Variants in C10orf53 observed in about 807,000 individuals in gnomAD.
The protein encoded by C10orf53 is chromosome 10 open reading frame 53.
Under a neutral mutation model 9.4 loss-of-function variants are expected in C10orf53, and 8 were observed. That is an observed-to-expected ratio of 0.85 (90% CI 0.50 to 1.53). C10orf53 has a LOEUF of 1.53. Among genes scored for constraint, C10orf53 ranks in the 40% most tolerant of loss-of-function variants. The pLI is 0.00. For synonymous variants in C10orf53, 48 were observed against 46.0 expected (o/e 1.04, Z -0.18); for missense variants, 117 against 117.8 (o/e 0.99, Z 0.03).
chr10:49,688,254 C>T (rs1348634545), intron 1 of C10orf53, among the ~76,000 whole-genome samples: 2 of 151,708 alleles, frequency 1.3e-5, no homozygotes, highest in African/African-American at 2.4e-5. Flanking sequence ...GCCAGACACC[C>T]TGCAGGCACC....
Position 49,694,550 on chromosome 10 carries a change from A to C in C10orf53, c.230A>C (p.Lys77Thr). 6.2e-7 allele frequency: 1 copy of C among 1,614,244 alleles called. No homozygotes were observed. The highest frequency in any genetic ancestry group is 1.1e-5 in the South Asian group (1 of 91,082). The change falls in exon 3 of 3, where the codon AAA (lysine) becomes ACA (threonine). Residue 77 changes from lysine (K) to threonine (T), a missense_variant. By Grantham distance (78) the Lys-to-Thr change is moderately conservative (BLOSUM62 -1). Transcript: ENST00000374111. ...TCTGTTTCCCTAGGAGGCGATGGTAAACTAGACCCACTGTGTGAAAAGGCC... is the reference window on the plus strand; with the variant it reads ...TCTGTTTCCCTAGGAGGCGATGGTACACTAGACCCACTGTGTGAAAAGGCC... ...IKDLEFGGDGKLDPLCEKARI... is the reference protein window; with the variant it reads ...IKDLEFGGDGTLDPLCEKARI...
At position 49,696,911 on chromosome 10, in the gene C10orf53, G is replaced by A. The variant is rs1293625334; in HGVS notation, c.*2309G>A. 1.3e-5 allele frequency among the ~76,000 whole-genome samples: 2 copies of A among 152,202 alleles called. No individual in the cohort carries two copies. Among genetic ancestry groups the A allele is most frequent in the African/African-American group, 4.8e-5 (2 of 41,444 alleles). On this transcript the variant is annotated 3_prime_UTR_variant, in exon 3 of 3. Coordinates refer to ENST00000374111, the MANE Select transcript of C10orf53 (RefSeq NM_001042427.3). ...TTTCAGATAAAAACTTAAAATCAGG[G>A]CCGGGCACTATGGCTTTTGCCTGTA...
chr10:49,682,215 A>G (rs898116171), intron 1 of C10orf53, among the ~76,000 whole-genome samples: 3 of 152,042 alleles, frequency 2.0e-5, no homozygotes, highest in Non-Finnish European at 2.9e-5. Context: ...ATTTTTCAAC[A>G]CCCCAGACAG....
At chr10:49,684,393 A>C (rs1840507560) in intron 1 of C10orf53, among the ~76,000 whole-genome samples, 1 of 152,204 alleles carries the variant, frequency 6.6e-6, no homozygotes, top group African/African-American at 2.4e-5. Context: ...CTTCTGCAAA[A>C]AACACCATTG....
chr10:49,684,768 C>A (rs909686143), intron 1 of C10orf53, among the ~76,000 whole-genome samples: 3 of 152,154 alleles, frequency 2.0e-5, no homozygotes, highest in Non-Finnish European at 2.9e-5. Flanking sequence ...AGAACACTAG[C>A]AGTTTTGGGG....
chr10:49,681,284 T>C (rs1264943776), intron 1 of C10orf53, among the ~76,000 whole-genome samples: 5 of 152,054 alleles, frequency 3.3e-5, no homozygotes, highest in African/African-American at 7.2e-5. Flanking sequence ...AGAGAACATA[T>C]AGAATGAGAT....
chr10:49,709,716 C>A, exon 3 of C10orf53: 1 of 152,630 alleles, frequency 6.6e-6, no homozygotes, highest in African/African-American at 2.4e-5. Context: ...TGGCCCACTG[C>A]CCACCCCACA....
At chr10:49,702,139 G>T (rs1435380066), downstream of C10orf53, among the ~76,000 whole-genome samples, 1 of 151,288 alleles carries the variant, frequency 6.6e-6, no homozygotes, top group Non-Finnish European at 1.5e-5. Context: ...GGAGATTGCA[G>T]TGAGCCGAGA....
chr10:49,688,404 C>G (rs1433393910), intron 1 of C10orf53, among the ~76,000 whole-genome samples: 1 of 152,160 alleles, frequency 6.6e-6, no homozygotes, highest in Non-Finnish European at 1.5e-5. Context: ...CCGCCATCAT[C>G]TCCTGCCTGG....
intron 1 of C10orf53, among the ~76,000 whole-genome samples, chr10:49,687,602 G>C (rs1687499774): frequency 6.6e-6 from 1 of 152,212 alleles, no homozygotes; most frequent in Non-Finnish European, 1.5e-5. Context: ...GTGAATCCCT[G>C]CCTCACCAAT....
chr10:49,700,795 A>T (rs1172693876), downstream of C10orf53, among the ~76,000 whole-genome samples: 1 of 152,136 alleles, frequency 6.6e-6, no homozygotes, highest in East Asian at 1.9e-4. Flanking sequence ...CTGGAAGTGA[A>T]TCCAGGCAGT....
rs192310693 is a variant in C10orf53, at chr10:49,683,585, C to T, written c.97+3791C>T. Among the ~76,000 whole-genome samples, 399 of 152,116 alleles carry T rather than the reference C, an allele frequency of 2.6e-3. 5 individuals carry two copies. The highest frequency in any genetic ancestry group is 2.5e-4 in the Non-Finnish European group (17 of 68,002). Reference sequence around the variant, plus strand: ...TGCCTGTGATATGCTGTTTAAGAAACCATTGTCTGCTGGGCATGGTGGCTC... The same window carrying T: ...TGCCTGTGATATGCTGTTTAAGAAATCATTGTCTGCTGGGCATGGTGGCTC... On this transcript the variant is annotated intron_variant, in intron 1 of 2. Coordinates refer to ENST00000374111, the MANE Select transcript of C10orf53 (RefSeq NM_001042427.3).
chr10:49,692,935 GA>G (rs1840598374), intron 1 of C10orf53, among the ~76,000 whole-genome samples: 1 of 151,994 alleles, frequency 6.6e-6, no homozygotes, highest in African/African-American at 2.4e-5. Flanking sequence ...ACGCAATCTG[GA>G]AAATGCTGAA....
At chr10:49,692,106 A>T (rs1323060294) in intron 1 of C10orf53, among the ~76,000 whole-genome samples, 1 of 152,182 alleles carries the variant, frequency 6.6e-6, no homozygotes, top group Non-Finnish European at 1.5e-5. Flanking sequence ...TCCCTAGATG[A>T]TCAGCTGCCT....
exon 3 of C10orf53, chr10:49,708,645 G>T (rs1438339975): frequency 1.2e-6 from 2 of 1,607,164 alleles, no homozygotes; most frequent in Non-Finnish European, 1.7e-6. Context: ...GTGGGAAAGG[G>T]GTTCATTTCA....
chr10:49,680,275 T>C (rs1207876498), intron 1 of C10orf53, among the ~76,000 whole-genome samples: 1 of 152,238 alleles, frequency 6.6e-6, no homozygotes, highest in Non-Finnish European at 1.5e-5. Flanking sequence ...AACTGCTAAA[T>C]GACAGCTGTG....
In C10orf53 at chr10:49,703,751, A is replaced by G. The variant is rs553586820; in HGVS notation, c.218-4610A>G. Among the ~76,000 whole-genome samples the G allele has an allele frequency of 3.3e-5, 5 of 152,372 alleles. No individual in the cohort carries two copies. In the South Asian group the frequency reaches 1.0e-3, roughly 32 times the overall value. The stretch of plus-strand genomic sequence containing the variant: ...GCTGGATATAACAGGCAGACTCATC[A>G]TAAAACATCAACACTCCCTAATTAA... On this transcript the variant is annotated intron_variant, in intron 2 of 2. Transcript: ENST00000374112.
downstream of C10orf53, among the ~76,000 whole-genome samples, chr10:49,700,854 C>T (rs987606697): frequency 6.6e-5 from 10 of 152,140 alleles, no homozygotes; most frequent in Non-Finnish European, 1.5e-5. Flanking sequence ...GGGCATGCAG[C>T]CCCCATCCCT....
rs1840632111 is a variant in C10orf53 at position 49,696,098 on chromosome 10, A to C, written c.*1496A>C. 6.6e-6 allele frequency: 1 copy of C among 152,254 alleles called. No homozygotes were observed. The highest frequency in any genetic ancestry group is 2.1e-4 in the South Asian group (1 of 4,828). The allele number at this position is 152,254 out of a possible 1,614,324, so 9.4% of individuals were successfully genotyped here. On this transcript the variant is annotated 3_prime_UTR_variant, in exon 3 of 3. Coordinates refer to ENST00000374111, the MANE Select transcript of C10orf53 (RefSeq NM_001042427.3). ...TATGTCTGAATATTCATAAAGAGAT[A>C]GACATATAGAAATTGACTTCATCCA...
Sources: gnomAD v4.1 joint callset for allele counts (sites outside exome capture counted in the v4.1 genomes callset) on GRCh38, gnomAD v4.1.1 for gene constraint, MANE v1.5 for transcripts, NCBI Gene and HGNC (gene_info 2026-07-23, HGNC 2026-07-21) for gene names.